Variants in SPAG6 observed in about 807,000 individuals in gnomAD.
SPAG6 encodes sperm associated antigen 6, also known as sperm-associated antigen 6.
A neutral mutation model predicts 58.5 loss-of-function variants in SPAG6; 49 were observed. The ratio of observed to expected loss-of-function variants is 0.84; its 90% CI spans 0.67 to 1.06. The LOEUF (loss-of-function observed/expected upper bound fraction) is 1.06, where lower values mean the gene tolerates loss of function less well. Ranked by LOEUF, SPAG6 falls within the 50% of genes least tolerant of loss-of-function variation. The pLI, the probability that SPAG6 is intolerant of heterozygous loss-of-function variation, is 0.00. For missense variants in SPAG6, 560 were observed against 611.3 expected (o/e 0.92, Z 0.89); for synonymous variants, 233 against 225.6 (o/e 1.03, Z -0.29).
chr10:22,402,909 T>G (rs903165497), intron 9 of SPAG6, among the ~76,000 whole-genome samples: 6 of 152,188 alleles, frequency 3.9e-5, no homozygotes, highest in African/African-American at 1.4e-4. Flanking sequence ...TAATTGACAT[T>G]ATTTCTGAAA....
intron 4 of SPAG6, among the ~76,000 whole-genome samples, chr10:22,382,744 A>G (rs538997964): frequency 2.0e-5 from 3 of 152,310 alleles, no homozygotes; most frequent in African/African-American, 7.2e-5. Flanking sequence ...AAATTAAGCT[A>G]AAAATTTTAC....
intron 4 of SPAG6, among the ~76,000 whole-genome samples, chr10:22,372,507 G>A (rs1197499192): frequency 2.6e-5 from 4 of 152,076 alleles, no homozygotes; most frequent in Non-Finnish European, 5.9e-5. Flanking sequence ...GAGGGAGGCC[G>A]CTGCAGGAGG....
At chr10:22,415,970 A>G (rs1834856889) in intron 10 of SPAG6, among the ~76,000 whole-genome samples, 1 of 152,166 alleles carries the variant, frequency 6.6e-6, no homozygotes, top group Non-Finnish European at 1.5e-5. Flanking sequence ...CTTGTATAAA[A>G]TGTTCAATTT....
chr10:22,413,066 C>CAAAAAAAAAAAGAAAAAAAAAAAAAA (rs1834779368), intron 10 of SPAG6: 1 of 43,316 alleles, frequency 2.3e-5, no homozygotes, highest in Non-Finnish European at 4.6e-5. Flanking sequence ...CAGAAAGATG[C>CAAAAAAAAAAAGAAAAAAAAAAAAAA]AAAAAAAAAA....
At chr10:22,360,826 A>G in intron 2 of SPAG6, 2 of 1,533,762 alleles carry the variant, frequency 1.3e-6, no homozygotes, top group African/African-American at 1.4e-5. Flanking sequence ...ATTTCCATGC[A>G]TTCACTCACC....
chr10:22,364,953 CCT>C lies in SPAG6; in HGVS notation c.223_224del (p.Leu75SerfsTer37), dbSNP rs778746334. ...LGRLANYNDD[L>X]AEAVVKCDIL... ...GGAGACTGGCCAATTATAATGATGA[CCT>C]AGCAGAAGCTGTTGTGAAGTGCGAC... On this transcript the variant is annotated frameshift_variant, in exon 3 of 11. Transcript: ENST00000376624. LOFTEE classifies it high-confidence loss of function. 5.0e-6 allele frequency: 8 copies of C among 1,613,122 alleles called. No individual in the cohort carries two copies. The highest frequency in any genetic ancestry group is 8.5e-7 in the Non-Finnish European group (1 of 1,179,354).
chr10:22,389,758 C>T (rs960850707), intron 7 of SPAG6, among the ~76,000 whole-genome samples: 1 of 152,158 alleles, frequency 6.6e-6, no homozygotes, highest in African/African-American at 2.4e-5. Context: ...TTTTTATCCA[C>T]TTTCTCTTCT....
At chr10:22,372,336 T>C (rs1833719215) in intron 4 of SPAG6, among the ~76,000 whole-genome samples, 1 of 152,238 alleles carries the variant, frequency 6.6e-6, no homozygotes, top group Admixed American at 6.5e-5. Flanking sequence ...ATTCAACCAA[T>C]ATGAAATCTG....
intron 8 of SPAG6, among the ~76,000 whole-genome samples, chr10:22,395,352 A>C (rs1016838159): frequency 6.6e-6 from 1 of 152,180 alleles, no homozygotes; most frequent in Admixed American, 6.5e-5. Flanking sequence ...CCAGCAAGGT[A>C]TGATGGTTCC....
At chr10:22,365,083 T>G in intron 3 of SPAG6, 64 bp downstream of exon 3, 1 of 1,231,882 alleles carries the variant, frequency 8.1e-7, no homozygotes, top group Non-Finnish European at 1.1e-6. Context: ...TGTGACAGTT[T>G]GGATACAGTT....
At chr10:22,409,149 C>A (rs1834652857) in intron 9 of SPAG6, among the ~76,000 whole-genome samples, 1 of 152,112 alleles carries the variant, frequency 6.6e-6, no homozygotes, top group Non-Finnish European at 1.5e-5. Context: ...TTGGCTCCTA[C>A]CTCCCATGAA....
chr10:22,398,729 T>C (rs1834348039), intron 8 of SPAG6, among the ~76,000 whole-genome samples: 1 of 151,984 alleles, frequency 6.6e-6, no homozygotes, highest in South Asian at 2.1e-4. Context: ...ATCCTGTCTT[T>C]AAAAAAGAAA....
In SPAG6 at chr10:22,364,804, T is replaced by C. The variant is rs769021374; in HGVS notation, c.122-49T>C. On this transcript the variant is annotated intron_variant, in intron 2 of 10. Coordinates refer to ENST00000376624, the MANE Select transcript of SPAG6 (RefSeq NM_012443.4). The stretch of plus-strand genomic sequence containing the variant: ...CATATATACTGAATTGTATTTTTGC[T>C]TTTTAATTTAAATTTTCCTGATTTC... 8 of 1,471,402 alleles carry C rather than the reference T, an allele frequency of 5.4e-6. No individual in the cohort carries two copies. In the Middle Eastern group the frequency reaches 7.0e-4, roughly 129 times the overall value. The allele number at this position is 1,471,402 out of a possible 1,614,324, so 91.1% of individuals were successfully genotyped here. A position where few individuals can be genotyped will look rare whatever the true frequency, so the allele number is the denominator to read the frequency against.
intron 9 of SPAG6, among the ~76,000 whole-genome samples, chr10:22,405,620 C>A (rs1243075583): frequency 6.8e-6 from 1 of 147,348 alleles, no homozygotes; most frequent in Non-Finnish European, 1.5e-5. Context: ...TGTCTCTGCC[C>A]GGCTTTGGTA....
At chr10:22,356,260 A>T (rs1395040030) in intron 2 of SPAG6, among the ~76,000 whole-genome samples, 1 of 152,248 alleles carries the variant, frequency 6.6e-6, no homozygotes, top group Non-Finnish European at 1.5e-5. Flanking sequence ...ACCATTTAAC[A>T]TGCTGTGTCA....
chr10:22,394,171 T>C (rs1834242170), intron 8 of SPAG6, among the ~76,000 whole-genome samples: 1 of 152,358 alleles, frequency 6.6e-6, no homozygotes, highest in Admixed American at 6.5e-5. Flanking sequence ...TTGTAAATAC[T>C]TTCTCACATT....
chr10:22,380,535 G>C (rs1833928790), intron 4 of SPAG6, among the ~76,000 whole-genome samples: 1 of 152,016 alleles, frequency 6.6e-6, no homozygotes, highest in South Asian at 2.1e-4. Flanking sequence ...TTGAACTCCT[G>C]GCTTCAAGCA....
At chr10:22,348,825 G>A (rs1245891608) in intron 2 of SPAG6, among the ~76,000 whole-genome samples, 1 of 152,130 alleles carries the variant, frequency 6.6e-6, no homozygotes, top group Non-Finnish European at 1.5e-5. Context: ...AAAAGATTAA[G>A]TTTGATTTCC....
intron 9 of SPAG6, among the ~76,000 whole-genome samples, chr10:22,408,915 AC>A: frequency 6.6e-6 from 1 of 152,120 alleles, no homozygotes; most frequent in Admixed American, 6.5e-5. Context: ...GCCGTCTGTC[AC>A]CCCTTTCTTT....
Sources: allele counts gnomAD v4.1 joint callset (sites outside exome capture counted in the v4.1 genomes callset), GRCh38; gene constraint gnomAD v4.1.1; transcripts MANE v1.5; gene names NCBI Gene and HGNC (gene_info 2026-07-23, HGNC 2026-07-21).